Variants in RORA observed in about 807,000 individuals in gnomAD.
RORA encodes nuclear receptor ROR-alpha.
In RORA, 7 loss-of-function variants were observed where a neutral mutation model predicts 69.5. The observed-to-expected ratio is 0.10, with a 90% CI of 0.06 to 0.19. The LOEUF is 0.19. Ranked by LOEUF, RORA falls within the 10% of genes least tolerant of loss-of-function variation. The pLI, the probability that RORA is intolerant of heterozygous loss-of-function variation, is 1.00. For synonymous variants in RORA, 261 were observed against 240.8 expected, an observed-to-expected ratio of 1.08 and a Z score of -0.78; for missense variants, 457 against 663.0, an observed-to-expected ratio of 0.69 and a Z score of 3.41.
intron 1 of RORA, among the ~76,000 whole-genome samples, chr15:60,893,828 C>A (rs1891148137): frequency 6.6e-6 from 1 of 152,172 alleles, no homozygotes; most frequent in Non-Finnish European, 1.5e-5. Flanking sequence ...CCTGGCATAA[C>A]CTCCTCTATT....
Position 60,708,535 on chromosome 15 carries a change from G to C in RORA, c.167-29849C>G, listed in dbSNP as rs567559207. On this transcript the variant is annotated intron_variant, in intron 1 of 10. Coordinates refer to ENST00000335670, the MANE Select transcript of RORA (RefSeq NM_134261.3). ...TTTTATGCCTGTATGTGTGTCCCAGGGTGGGTGGGAGAAACACTTACAAAT... is the reference window on the plus strand; with the variant it reads ...TTTTATGCCTGTATGTGTGTCCCAGCGTGGGTGGGAGAAACACTTACAAAT... 1.1e-4 allele frequency among the ~76,000 whole-genome samples: 17 copies of C among 152,220 alleles called. No individual in the cohort carries two copies. In the South Asian group the frequency reaches 1.5e-3, roughly 13 times the overall value.
Position 60,531,892 on chromosome 15 carries a change from T to TATAAGGTGTTTAAAAGA in RORA, c.197-42_197-41insTCTTTTAAACACCTTAT. 2 of 1,244,282 alleles carry TATAAGGTGTTTAAAAGA rather than the reference T, an allele frequency of 1.6e-6. No individual in the cohort carries two copies. The highest frequency in any genetic ancestry group is 1.2e-6 in the Non-Finnish European group (1 of 866,242). The allele number at this position is 1,244,282 out of a possible 1,614,324, so 77.1% of individuals were successfully genotyped here. ...GCAACCAGTTAATTACATTTTCTTT[T>TATAAGGTGTTTAAAAGA]AAACACCTTATAAAAGCGTTCCCTG... On this transcript the variant is annotated intron_variant, in intron 2 of 10. Transcript: ENST00000335670. This position sits in a 1 kb window ranked among gnomAD's most constrained non-coding sequence, Gnocchi z 4.8.
intron 1 of RORA, among the ~76,000 whole-genome samples, chr15:61,210,103 G>A (rs1053859399): frequency 6.6e-6 from 1 of 152,138 alleles, no homozygotes; most frequent in South Asian, 2.1e-4. Context: ...GATGCTGAGG[G>A]TTCCCTCAAG....
intron 2 of RORA, among the ~76,000 whole-genome samples, chr15:60,641,703 G>A (rs339981): frequency 0.013 from 1,916 of 152,242 alleles, 32 homozygotes; most frequent in African/African-American, 0.041. Flanking sequence ...GAACCACCAC[G>A]CCCAGCTTCC....
At chr15:61,117,499 G>A (rs576939508) in intron 1 of RORA, among the ~76,000 whole-genome samples, 1 of 152,078 alleles carries the variant, frequency 6.6e-6, no homozygotes, top group Non-Finnish European at 1.5e-5. Flanking sequence ...ATTCTTTCCT[G>A]CTAAAAATAT....
chr15:60,808,761 T>C (rs1308270032), intron 1 of RORA, among the ~76,000 whole-genome samples: 2 of 151,068 alleles, frequency 1.3e-5, no homozygotes, highest in East Asian at 3.9e-4. Flanking sequence ...TATAAACATA[T>C]ATACAAATTT....
At chr15:60,862,906 C>G (rs1205342162) in intron 1 of RORA, among the ~76,000 whole-genome samples, 3 of 152,250 alleles carry the variant, frequency 2.0e-5, no homozygotes, top group Admixed American at 2.0e-4. Context: ...TCAAGACTGC[C>G]CTTTTTTGGT....
chr15:61,207,318 G>A (rs927170996), intron 1 of RORA, among the ~76,000 whole-genome samples: 8 of 152,154 alleles, frequency 5.3e-5, no homozygotes, highest in Non-Finnish European at 1.2e-4. Flanking sequence ...TGGATTCCAG[G>A]AAGTTAAATG....
At chr15:61,133,946 C>CA (rs2079214577) in intron 1 of RORA, among the ~76,000 whole-genome samples, 1 of 152,182 alleles carries the variant, frequency 6.6e-6, no homozygotes, top group Non-Finnish European at 1.5e-5. Context: ...TGCCAAAACA[C>CA]AACTGAAAGG....
intron 1 of RORA, among the ~76,000 whole-genome samples, chr15:60,868,584 G>C (rs2073516758): frequency 2.0e-5 from 3 of 152,056 alleles, no homozygotes; most frequent in Admixed American, 2.0e-4. Context: ...ACTGTGAGAG[G>C]GATTTAAACA....
intron 2 of RORA, among the ~76,000 whole-genome samples, chr15:60,671,052 C>T (rs1342262240): frequency 9.1e-6 from 1 of 109,626 alleles, no homozygotes; most frequent in Non-Finnish European, 1.7e-5. Context: ...TCTTATATCT[C>T]CTATATATCC....
chr15:60,866,993 G>C (rs2073497213), intron 1 of RORA, among the ~76,000 whole-genome samples: 1 of 152,000 alleles, frequency 6.6e-6, no homozygotes, highest in African/African-American at 2.4e-5. Flanking sequence ...AGCCTCCCGG[G>C]TAGCTGGGAC....
intron 2 of RORA, among the ~76,000 whole-genome samples, chr15:60,585,582 C>T (rs142293256): frequency 5.7e-4 from 86 of 152,142 alleles, no homozygotes; most frequent in African/African-American, 1.5e-3. Context: ...CATCAAATGA[C>T]GACCTCTTTT....
chr15:60,565,227 T>A (rs923463489), intron 2 of RORA, among the ~76,000 whole-genome samples: 1 of 152,222 alleles, frequency 6.6e-6, no homozygotes, highest in African/African-American at 2.4e-5. Context: ...AGACATTTAC[T>A]TTTTTCTTTT....
chr15:60,776,537 C>T (rs937861317), intron 1 of RORA, among the ~76,000 whole-genome samples: 1 of 152,226 alleles, frequency 6.6e-6, no homozygotes, highest in East Asian at 1.9e-4. Flanking sequence ...TTTAAGTACA[C>T]GTGCTCTTCT....
chr15:60,515,768 G>C (rs2141343306), intron 3 of RORA, among the ~76,000 whole-genome samples: 1 of 146,856 alleles, frequency 6.8e-6, no homozygotes. Flanking sequence ...AGGGGGCAGG[G>C]TCTTGCTCTG....
chr15:61,009,988 G>T (rs1317468299), intron 1 of RORA, among the ~76,000 whole-genome samples: 2 of 152,260 alleles, frequency 1.3e-5, no homozygotes, highest in Admixed American at 1.3e-4. Flanking sequence ...ATAAACAGTT[G>T]TGTTGCCTTT....
At chr15:60,597,595 C>CATATATATATATATATATAT (rs1303389761) in intron 2 of RORA, among the ~76,000 whole-genome samples, 1 of 30,404 alleles carries the variant, frequency 3.3e-5, no homozygotes, top group Non-Finnish European at 5.8e-5. Context: ...TATATATATA[C>CATATATATATATATATATAT]ACATATATAT....
intron 1 of RORA, among the ~76,000 whole-genome samples, chr15:60,705,585 A>C (rs1373875645): frequency 6.6e-6 from 1 of 152,204 alleles, no homozygotes; most frequent in East Asian, 1.9e-4. Flanking sequence ...CCATTTTCTA[A>C]AAGCAGAGAG....
Sources: allele counts gnomAD v4.1 joint callset (sites outside exome capture counted in the v4.1 genomes callset), GRCh38; gene constraint gnomAD v4.1.1; non-coding constraint Gnocchi (gnomAD v3.1); transcripts MANE v1.5; gene names NCBI Gene and HGNC (gene_info 2026-07-23, HGNC 2026-07-21).